COL25A1: variants seen among roughly 807,000 people sequenced by gnomAD.
COL25A1 encodes the protein collagen alpha-1(XXV) chain.
In COL25A1, 103 loss-of-function variants were observed where a neutral mutation model predicts 128.4. The ratio of observed to expected loss-of-function variants is 0.80; its 90% confidence interval spans 0.68 to 0.94. The LOEUF (loss-of-function observed/expected upper bound fraction) is 0.94. Ranked by LOEUF, COL25A1 falls within the 40% of genes least tolerant of loss-of-function variation. The probability of loss-of-function intolerance (pLI) is 0.00; values close to 1 mark genes in which losing one functional copy is unlikely to be tolerated. For missense variants in COL25A1, 745 were observed against 840.0 expected (o/e 0.89, Z 1.40); for synonymous variants, 279 against 277.2 (o/e 1.01, Z -0.06).
chr4:109,233,787 A>G (rs1779302293), intron 3 of COL25A1, among the ~76,000 whole-genome samples: 1 of 152,172 alleles, frequency 6.6e-6, no homozygotes, highest in Non-Finnish European at 1.5e-5. Flanking sequence ...GTGGGTAATT[A>G]TAGGCTTCCA....
chr4:109,247,045 G>C (rs947700997), intron 3 of COL25A1, among the ~76,000 whole-genome samples: 6 of 152,222 alleles, frequency 3.9e-5, no homozygotes, highest in African/African-American at 1.4e-4. Context: ...AGATCAGCTG[G>C]AACATAGAAA....
intron 3 of COL25A1, among the ~76,000 whole-genome samples, chr4:109,092,772 T>C (rs67947607): frequency 0.23 from 35,162 of 152,022 alleles, 5,250 homozygotes; most frequent in African/African-American, 0.41. Context: ...TACCTTACTT[T>C]CTAAGATTTC....
At position 108,932,196 on chromosome 4, in the gene COL25A1, T is replaced by C. The variant is rs116361165; in HGVS notation, c.708+5612A>G. On this transcript the variant is annotated intron_variant, in intron 11 of 37. Coordinates refer to ENST00000399132, the MANE Select transcript of COL25A1 (RefSeq NM_198721.4). ...AAGGAAAGCCATGAGTTTTATGAAA[T>C]CCATGGGATAGCAATGCATTATAAA... is the stretch of plus-strand genomic sequence containing the variant. Among the ~76,000 whole-genome samples, 344 of 152,310 alleles carry C rather than the reference T, an allele frequency of 2.3e-3. 2 individuals carry two copies. Among genetic ancestry groups the C allele is most frequent in the African/African-American group, 7.9e-3 (330 of 41,576 alleles).
At chr4:109,038,246 A>C (rs2125924024) in intron 5 of COL25A1, among the ~76,000 whole-genome samples, 1 of 152,332 alleles carries the variant, frequency 6.6e-6, no homozygotes, top group South Asian at 2.1e-4. Flanking sequence ...CACTAAGAAA[A>C]GCAGATTTCC....
chr4:109,151,967 G>A (rs1771543511), intron 3 of COL25A1, among the ~76,000 whole-genome samples: 1 of 152,108 alleles, frequency 6.6e-6, no homozygotes, highest in Admixed American at 6.5e-5. Flanking sequence ...ATGCCTGACT[G>A]GAGGTCAAGA....
At chr4:109,237,621 CTTT>C (rs543716898) in intron 3 of COL25A1, among the ~76,000 whole-genome samples, 4 of 136,850 alleles carry the variant, frequency 2.9e-5, no homozygotes, top group African/African-American at 2.6e-5. Flanking sequence ...TGATGGCAAT[CTTT>C]TTTTTTTTTT....
At chr4:108,959,796 T>C (rs1750468327) in intron 8 of COL25A1, among the ~76,000 whole-genome samples, 1 of 152,114 alleles carries the variant, frequency 6.6e-6, no homozygotes, top group African/African-American at 2.4e-5. Flanking sequence ...TAGCAAGCTT[T>C]CTCCAATTCA....
intron 5 of COL25A1, among the ~76,000 whole-genome samples, chr4:109,024,079 T>G (rs1486353262): frequency 6.6e-6 from 1 of 152,216 alleles, no homozygotes; most frequent in African/African-American, 2.4e-5. Context: ...TTACATGAGA[T>G]AGCCAATACT....
At chr4:109,136,401 AAAT>A (rs545870971) in intron 3 of COL25A1, among the ~76,000 whole-genome samples, 2 of 152,090 alleles carry the variant, frequency 1.3e-5, no homozygotes, top group Non-Finnish European at 2.9e-5. Context: ...CTCTGTCTCA[AAAT>A]AATAATAATA....
At position 108,840,423 on chromosome 4, in the gene COL25A1, G is replaced by C. The variant is rs1734310601; in HGVS notation, c.1656+1272C>G. Among the ~76,000 whole-genome samples, 2 of 150,678 alleles carry C rather than the reference G, an allele frequency of 1.3e-5. 1 individual carries two copies. The highest frequency in any genetic ancestry group is 4.2e-4 in the South Asian group (2 of 4,800). On this transcript the variant is annotated intron_variant, in intron 31 of 37. Transcript: ENST00000399132. ...AAGTCTAATTCATGCTTCTGAGATAGTTACTCACTGGCCTTACTGGAAGGT... is the reference window on the plus strand; with the variant it reads ...AAGTCTAATTCATGCTTCTGAGATACTTACTCACTGGCCTTACTGGAAGGT...
intron 3 of COL25A1, among the ~76,000 whole-genome samples, chr4:109,113,939 T>A (rs1161649392): frequency 6.6e-6 from 1 of 151,944 alleles, no homozygotes; most frequent in Non-Finnish European, 1.5e-5. Context: ...AAAAAACAAA[T>A]CTTAAAGAAT....
At chr4:109,127,670 G>A (rs1258495140) in intron 3 of COL25A1, among the ~76,000 whole-genome samples, 1 of 151,682 alleles carries the variant, frequency 6.6e-6, no homozygotes, top group Non-Finnish European at 1.5e-5. Flanking sequence ...GTTAGTAAAG[G>A]AGAAAAAAAA....
chr4:109,013,850 C>A (rs1035239722), intron 5 of COL25A1, among the ~76,000 whole-genome samples: 1 of 152,110 alleles, frequency 6.6e-6, no homozygotes, highest in African/African-American at 2.4e-5. Flanking sequence ...CATGAGAATC[C>A]GTGGCTTCAT....
intron 6 of COL25A1, among the ~76,000 whole-genome samples, chr4:108,986,758 T>G (rs1753701681): frequency 6.6e-6 from 1 of 152,194 alleles, no homozygotes; most frequent in Non-Finnish European, 1.5e-5. Flanking sequence ...TGGTGAAATT[T>G]AAATATGGAC....
chr4:109,294,327 A>G (rs1724762576), intron 3 of COL25A1, among the ~76,000 whole-genome samples: 1 of 152,170 alleles, frequency 6.6e-6, no homozygotes, highest in Admixed American at 6.5e-5. Context: ...ATGCCAATGA[A>G]AAGTGCTCAA....
chr4:108,913,559 C>T (rs1445310703), intron 13 of COL25A1, among the ~76,000 whole-genome samples: 1 of 152,078 alleles, frequency 6.6e-6, no homozygotes. Flanking sequence ...CACCCGACCT[C>T]CAGCTCCTCT....
intron 3 of COL25A1, among the ~76,000 whole-genome samples, chr4:109,239,392 GTGTA>G (rs1479331125): frequency 0.013 from 1,245 of 95,188 alleles, 19 homozygotes; most frequent in Admixed American, 0.058. Flanking sequence ...GTGTGTGTGT[GTGTA>G]TATATATATA....
At chr4:109,099,580 C>T (rs993766971) in intron 3 of COL25A1, among the ~76,000 whole-genome samples, 1 of 148,492 alleles carries the variant, frequency 6.7e-6, no homozygotes, top group African/African-American at 2.5e-5. Flanking sequence ...AGACATAAAA[C>T]AAGGTGGGAA....
intron 19 of COL25A1, among the ~76,000 whole-genome samples, chr4:108,880,220 C>A (rs1170315609): frequency 6.6e-6 from 1 of 152,162 alleles, no homozygotes; most frequent in African/African-American, 2.4e-5. Context: ...GTGAACAGAA[C>A]CAGGAAGAAG....
Sources: allele counts gnomAD v4.1 joint callset (sites outside exome capture counted in the v4.1 genomes callset), GRCh38; gene constraint gnomAD v4.1.1; transcripts MANE v1.5; gene names NCBI Gene and HGNC (gene_info 2026-07-23, HGNC 2026-07-21).